The following SELENOO variants were observed in gnomAD, a reference collection of about 807,000 sequenced individuals.
SELENOO encodes selenoprotein O, also known as protein adenylyltransferase SelO, mitochondrial.
In SELENOO, 74 loss-of-function variants were observed where a neutral mutation model predicts 58.7. That is an observed-to-expected ratio of 1.26 (90% CI 1.04 to 1.53). The LOEUF is 1.53. Ranked by LOEUF, SELENOO falls within the 40% of genes most tolerant of loss-of-function variation. SELENOO has a pLI of 0.00. For synonymous variants in SELENOO, 543 were observed against 453.2 expected (o/e 1.20, Z -2.52); for missense variants, 1,149 against 970.0 (o/e 1.18, Z -2.45).
At position 50,201,065 on chromosome 22, in the gene SELENOO, C is replaced by A; in HGVS notation, c.29C>A (p.Ala10Asp). The change falls in exon 1 of 9, where the codon GCT becomes GAT. Residue 10 changes from alanine (A) to aspartate (D), a missense_variant. Ala to Asp is a moderately radical substitution (Grantham distance 126). Transcript: ENST00000380903. MAVYRAALGASLAAARLLPL... is the reference protein window; with the variant it reads MAVYRAALGDSLAAARLLPL... ...GCCGTATACAGGGCAGCGCTCGGGGCTTCGCTCGCGGCTGCCCGACTCTTG... is the reference window on the plus strand; with the variant it reads ...GCCGTATACAGGGCAGCGCTCGGGGATTCGCTCGCGGCTGCCCGACTCTTG... 2.2e-6 allele frequency: 3 copies of A among 1,358,724 alleles called. No homozygotes were observed. Among genetic ancestry groups the A allele is most frequent in the Non-Finnish European group, 2.8e-6 (3 of 1,055,972 alleles). 84.2% of individuals were successfully genotyped at this position (1,358,724 alleles called of 1,614,324 possible). A position where few individuals can be genotyped will look rare whatever the true frequency, so the allele number is the denominator to read the frequency against.
chr22:50,210,083 G>A, intron 3 of SELENOO, 98 bp from the exon 4 acceptor site: 1 of 1,450,078 alleles, frequency 6.9e-7, no homozygotes, highest in South Asian at 1.2e-5. Flanking sequence ...GAGCCACTCA[G>A]CGAAGCACAG....
Position 50,216,739 on chromosome 22 carries a change from C to T in SELENOO, c.1551C>T (p.Phe517=), listed in dbSNP as rs773104268. Residue 517 remains phenylalanine, a synonymous_variant, in exon 7 of 9, where the codon TTC becomes TTT. Transcript: ENST00000380903. ...TGGCGCAGTCAAACCCGCAGCTGTT[C>T]GCGCTTATGGGCACCCGGGCAGGCA... ...LMLAQSNPQL[F]ALMGTRAGIA... is the part of the protein sequence containing the mutation. 8.1e-6 allele frequency: 13 copies of T among 1,605,720 alleles called. No homozygotes were observed. Among genetic ancestry groups the T allele is most frequent in the East Asian group, 2.2e-5 (1 of 44,684 alleles).
intron 1 of SELENOO, among the ~76,000 whole-genome samples, chr22:50,202,846 G>C (rs1181049660): frequency 1.3e-5 from 2 of 152,212 alleles, no homozygotes; most frequent in African/African-American, 4.8e-5. Context: ...GGCCTCACCA[G>C]TTCTCCAAGA....
rs373756843 is a variant in SELENOO at position 50,217,351 on chromosome 22, C to G, written c.1992C>G (p.Cys664Trp). The change falls in exon 9 of 9, where the codon TGC (cysteine) becomes TGG (tryptophan). Residue 664 changes from cysteine (C) to tryptophan (W), a missense_variant. Physicochemically the swap from Cys to Trp is radical, Grantham distance 215. Transcript: ENST00000380903. ...SKPPLWAAELCVTUSS is the reference protein window; with the variant it reads ...SKPPLWAAELWVTUSS ...CCCCGCTCTGGGCAGCAGAACTGTGCGTGACATGATCTTCGTAACGGCCTC... is the reference window on the plus strand; with the variant it reads ...CCCCGCTCTGGGCAGCAGAACTGTGGGTGACATGATCTTCGTAACGGCCTC... 25 of 1,612,788 alleles carry G rather than the reference C, an allele frequency of 1.6e-5. No homozygotes were observed. In the African/African-American group the frequency reaches 2.0e-4, roughly 13 times the overall value.
Position 50,217,255 on chromosome 22 carries a change from GGCC to G in SELENOO, c.1900_1902del (p.Ala634del). ...AGACCCCTTACCACTGCGAGGCGGG[GGCC>G]GCCACAGACGCCGAGGCCACGGAAG... On this transcript the variant is annotated inframe_deletion, in exon 9 of 9. Coordinates refer to ENST00000380903, the MANE Select transcript of SELENOO (RefSeq NM_031454.2). 1 of 1,611,960 alleles carries G rather than the reference GGCC, an allele frequency of 6.2e-7. No homozygotes were observed.
At chr22:50,213,531 T>C (rs2064386208) in intron 5 of SELENOO, among the ~76,000 whole-genome samples, 1 of 152,172 alleles carries the variant, frequency 6.6e-6, no homozygotes, top group Admixed American at 6.5e-5. Flanking sequence ...CCGTGTGCCC[T>C]GGAGAAGACG....
chr22:50,215,263 C>T (rs1424158553), intron 5 of SELENOO, among the ~76,000 whole-genome samples: 1 of 152,168 alleles, frequency 6.6e-6, no homozygotes, highest in Non-Finnish European at 1.5e-5. Flanking sequence ...GAGGGCCGGG[C>T]AGCAGCCTCT....
At chr22:50,206,892 T>TC (rs1555904310) in intron 2 of SELENOO, among the ~76,000 whole-genome samples, 1 of 151,750 alleles carries the variant, frequency 6.6e-6, no homozygotes, top group Admixed American at 6.6e-5. Flanking sequence ...CTGGTGCTTC[T>TC]GGGGGGGAGG....
At chr22:50,210,052 C>G (rs73187260) in intron 3 of SELENOO, 129 bp from the exon 4 acceptor site, 43,405 of 1,094,496 alleles carry the variant, frequency 0.04, 1,068 homozygotes, top group Non-Finnish European at 0.048. Flanking sequence ...TCAGGAAGAT[C>G]GCCCAGAAAC....
intron 1 of SELENOO, among the ~76,000 whole-genome samples, chr22:50,202,035 T>TG (rs779396335): frequency 6.2e-4 from 94 of 152,030 alleles, no homozygotes; most frequent in Admixed American, 1.0e-3. Context: ...TAGATTTCTG[T>TG]GGGGGGGCAC....
In SELENOO at chr22:50,217,568, T is replaced by C; in HGVS notation, c.*199T>C. On this transcript the variant is annotated 3_prime_UTR_variant, in exon 9 of 9. Transcript: ENST00000380903. ...AGGCCGGCTCAGCAGTGCAGCCTGG[T>C]CCCTGGGGGCTGGACCCAGGCTCCT... The C allele has an allele frequency of 1.1e-6, 1 of 939,216 alleles. No homozygotes were observed. The highest frequency in any genetic ancestry group is 1.6e-6 in the Non-Finnish European group (1 of 636,464). The allele number at this position is 939,216 out of a possible 1,614,324, so 58.2% of individuals were successfully genotyped here.
chr22:50,206,683 G>A (rs1010148076), intron 2 of SELENOO, among the ~76,000 whole-genome samples, 163 bp downstream of exon 2: 8 of 152,238 alleles, frequency 5.3e-5, no homozygotes, highest in Middle Eastern at 6.3e-3. Context: ...CTGCCTGTCC[G>A]CGAAGTAGCT....
At chr22:50,209,915 G>C (rs1040028858) in intron 3 of SELENOO, among the ~76,000 whole-genome samples, 1 of 152,260 alleles carries the variant, frequency 6.6e-6, no homozygotes, top group African/African-American at 2.4e-5. Context: ...TACTGGGCCT[G>C]AGTCTGGGGT....
At chr22:50,205,633 T>C (rs1284174401) in intron 1 of SELENOO, 1 of 152,308 alleles carries the variant, frequency 6.6e-6, no homozygotes, top group Non-Finnish European at 1.5e-5. Context: ...GTGAAAATAA[T>C]TGAAGAAAAA....
At chr22:50,213,715 T>A (rs558983134) in intron 5 of SELENOO, among the ~76,000 whole-genome samples, 3 of 151,578 alleles carry the variant, frequency 2.0e-5, no homozygotes, top group African/African-American at 7.3e-5. Context: ...TGGCGCGATC[T>A]CAGCTCACTG....
At chr22:50,216,063 C>T (rs1013738927) in intron 6 of SELENOO, among the ~76,000 whole-genome samples, 196 bp downstream of exon 6, 5 of 152,046 alleles carry the variant, frequency 3.3e-5, no homozygotes, top group Non-Finnish European at 5.9e-5. Context: ...TAGAGAGTGG[C>T]GAGGCTGACA....
rs570748673 is a variant in SELENOO, at chr22:50,210,616, T to C, written c.1071-15T>C. 1.2e-6 allele frequency: 2 copies of C among 1,612,800 alleles called. No homozygotes were observed. The highest frequency in any genetic ancestry group is 1.1e-5 in the South Asian group (1 of 91,072). On this transcript the variant is annotated splice_polypyrimidine_tract_variant and intron_variant, in intron 4 of 8. Transcript: ENST00000380903. ...CCTCTCAGGCAGGGCGTGGCTCTCT[T>C]GCCCCGTGTGGCAGGTACGACCCCG...
rs1183561697 is a variant in SELENOO, at chr22:50,216,950, C to T, written c.1689-22C>T. Reference sequence around the variant, plus strand: ...AAAAAGTCCAGCCCGGCTGTGACTCCAGAGCCCGGATGTCATTCCAGAGCC... The same window carrying T: ...AAAAAGTCCAGCCCGGCTGTGACTCTAGAGCCCGGATGTCATTCCAGAGCC... On this transcript the variant is annotated intron_variant, in intron 7 of 8. Transcript: ENST00000380903. 5 of 1,605,148 alleles carry T rather than the reference C, an allele frequency of 3.1e-6. No individual in the cohort carries two copies. In the African/African-American group the frequency reaches 4.0e-5, roughly 13 times the overall value.
chr22:50,201,801 T>G (rs1043277469), intron 1 of SELENOO, among the ~76,000 whole-genome samples: 13 of 152,218 alleles, frequency 8.5e-5, no homozygotes, highest in African/African-American at 2.9e-4. Flanking sequence ...ACGCCGCTCA[T>G]GTTTACCGAC....
Sources: gnomAD v4.1 joint callset for allele counts (sites outside exome capture counted in the v4.1 genomes callset) on GRCh38, gnomAD v4.1.1 for gene constraint, MANE v1.5 for transcripts, NCBI Gene and HGNC (gene_info 2026-07-23, HGNC 2026-07-21) for gene names.